ZNF384: variants seen among roughly 807,000 people sequenced by gnomAD.
ZNF384 encodes zinc finger protein 384, also known as CAG repeat protein 1.
In ZNF384, 20 loss-of-function variants were observed where a neutral mutation model predicts 65.0. That is an observed-to-expected ratio of 0.31 (90% CI 0.22 to 0.45). ZNF384 has a LOEUF of 0.45. Ranked by LOEUF, ZNF384 falls within the 20% of genes least tolerant of loss-of-function variation. The pLI, the probability that ZNF384 is intolerant of heterozygous loss-of-function variation, is 1.00. For missense variants in ZNF384, 549 were observed against 769.4 expected, an observed-to-expected ratio of 0.71 and a Z score of 3.39; for synonymous variants, 310 against 303.9, an observed-to-expected ratio of 1.02 and a Z score of -0.21.
chr12:6,673,014 C>G lies in ZNF384; in HGVS notation c.1004+202G>C. 1.7e-6 allele frequency: 1 copy of G among 589,878 alleles called. No individual in the cohort carries two copies. The highest frequency in any genetic ancestry group is 3.0e-6 in the Non-Finnish European group (1 of 332,818). The allele number at this position is 589,878 out of a possible 1,614,324, so 36.5% of individuals were successfully genotyped here. ...GAGAAACCACAAAAATTGTTCCAGACTTTGGAATTGGAGACCACAATTTTC... is the reference window on the plus strand; with the variant it reads ...GAGAAACCACAAAAATTGTTCCAGAGTTTGGAATTGGAGACCACAATTTTC... On this transcript the variant is annotated intron_variant, in intron 8 of 11. Coordinates refer to ENST00000683879, the MANE Select transcript of ZNF384 (RefSeq NM_001385745.1). This position sits in a 1 kb window ranked among gnomAD's most constrained non-coding sequence, Gnocchi z 4.7.
In ZNF384 at chr12:6,669,053, A is replaced by T. The variant is rs377620666; in HGVS notation, c.1403T>A (p.Ile468Asn). 1.2e-6 allele frequency: 2 copies of T among 1,610,424 alleles called. No homozygotes were observed. Among genetic ancestry groups the T allele is most frequent in the East Asian group, 4.5e-5 (2 of 44,714 alleles). Residue 468 changes from isoleucine to asparagine, a missense_variant, in exon 11 of 12, where the codon ATC becomes AAC. Physicochemically the swap from Ile to Asn is moderately radical, Grantham distance 149 (BLOSUM62 -3). This residue lies in a region of ZNF384 where 136 missense variants were observed against 183.0 expected (regional missense o/e 0.74). Coordinates refer to ENST00000683879, the MANE Select transcript of ZNF384 (RefSeq NM_001385745.1). The part of the protein sequence containing the change: ...VKHAKVYTCT[I>N]CSRAYTSETY... ...CACTGATGTGTATGCCCGACTGCAG[A>T]TAGTGCAGGTGTACACCTTGGCATG...
At chr12:6,677,833 T>C (rs959485777) in intron 6 of ZNF384, among the ~76,000 whole-genome samples, 2 of 152,138 alleles carry the variant, frequency 1.3e-5, no homozygotes, top group Admixed American at 1.3e-4. Context: ...AAACCCAGCA[T>C]AAAGCCTTAT....
intron 10 of ZNF384, among the ~76,000 whole-genome samples, chr12:6,670,433 A>G (rs1361332391): frequency 6.6e-6 from 1 of 152,140 alleles, no homozygotes; most frequent in Non-Finnish European, 1.5e-5. Flanking sequence ...TCCCAAAAAT[A>G]AAAAATAGAC....
At chr12:6,685,903 G>A (rs1787582954) in intron 2 of ZNF384, among the ~76,000 whole-genome samples, 1 of 151,916 alleles carries the variant, frequency 6.6e-6, no homozygotes. Context: ...AAGCCCTCAG[G>A]AGATAAAGAA....
At chr12:6,676,505 T>G (rs1046481052) in intron 7 of ZNF384, among the ~76,000 whole-genome samples, 3 of 152,214 alleles carry the variant, frequency 2.0e-5, no homozygotes, top group Non-Finnish European at 4.4e-5. Context: ...TTTCTTTTAA[T>G]ATATACAGTT....
Position 6,689,173 on chromosome 12 carries a change from G to C in ZNF384, c.-141C>G. The C allele has an allele frequency of 6.5e-6, 1 of 153,060 alleles. No individual in the cohort carries two copies. The highest frequency in any genetic ancestry group is 2.0e-4 in the South Asian group (1 of 4,888). The allele number at this position is 153,060 out of a possible 1,614,324, so 9.5% of individuals were successfully genotyped here. ...GGGCGGCGTTTGCTGGGAAAGGAGG[G>C]AGCCGAGGAGGGTGGGAGGACCAGG... is the stretch of plus-strand genomic sequence containing the variant. On this transcript the variant is annotated 5_prime_UTR_variant, in exon 1 of 12. Transcript: ENST00000683879.
chr12:6,685,627 G>C (rs1957621613), intron 2 of ZNF384, among the ~76,000 whole-genome samples: 1 of 151,982 alleles, frequency 6.6e-6, no homozygotes, highest in South Asian at 2.1e-4. Flanking sequence ...CAAAAAATTA[G>C]CTGGGCATGG....
intron 1 of ZNF384, 197 bp from the exon 2 acceptor site, chr12:6,688,423 A>G (rs1958742841): frequency 6.6e-6 from 1 of 152,278 alleles, no homozygotes; most frequent in Admixed American, 6.5e-5. Context: ...AATAAATCCA[A>G]TTCCCAGAAA....
At chr12:6,677,835 AAGCCTTAT>A (rs1005442151) in intron 6 of ZNF384, among the ~76,000 whole-genome samples, 2 of 152,202 alleles carry the variant, frequency 1.3e-5, no homozygotes, top group African/African-American at 4.8e-5. Context: ...ACCCAGCATA[AAGCCTTAT>A]TACAAGAGAG....
chr12:6,673,413 G>A lies in ZNF384; in HGVS notation c.807C>T (p.Tyr269=), dbSNP rs763222487. The change falls in exon 8 of 12, where the codon TAC becomes TAT. Residue 269 remains tyrosine (Y), a synonymous_variant. Transcript: ENST00000683879. This position sits in a 1 kb window ranked among gnomAD's most constrained non-coding sequence, Gnocchi z 4.7. ...PGCRMCSLTF[Y]SKSEMQIHSK... ...AGTGGATCTGCATCTCCGACTTGGA[G>A]TAGAATGTCAGTGAGCACATCCGGC... The A allele has an allele frequency of 1.2e-6, 2 of 1,614,090 alleles. No individual in the cohort carries two copies. The highest frequency in any genetic ancestry group is 1.6e-4 in the Middle Eastern group (1 of 6,062).
Position 6,679,196 on chromosome 12 carries a change from G to A in ZNF384, c.67-13C>T. On this transcript the variant is annotated splice_polypyrimidine_tract_variant and intron_variant, in intron 3 of 11. Transcript: ENST00000683879. ...TTGTGTTCTCGATCTAAGAGAAAAG[G>A]AAGGGGACGGGAGCACCCTCTTCAG... The A allele has an allele frequency of 6.4e-7, 1 of 1,558,472 alleles. No individual in the cohort carries two copies. Among genetic ancestry groups the A allele is most frequent in the Middle Eastern group, 1.8e-4 (1 of 5,710 alleles).
chr12:6,680,155 C>T lies in ZNF384; in HGVS notation c.-5-630G>A, dbSNP rs989546933. ...TTCTTTTTTCTTTAAAGTAGAGACA[C>T]GGTTTTTCCATGTTGCCCAGGCTGG... is the stretch of plus-strand genomic sequence containing the variant. On this transcript the variant is annotated intron_variant, in intron 2 of 11. Coordinates refer to ENST00000683879, the MANE Select transcript of ZNF384 (RefSeq NM_001385745.1). Among the ~76,000 whole-genome samples the T allele has an allele frequency of 5.3e-5, 8 of 152,074 alleles. No homozygotes were observed. In the South Asian group the frequency reaches 8.3e-4, roughly 16 times the overall value.
Position 6,672,197 on chromosome 12 carries a change from G to C in ZNF384, c.1187+153C>G. 1.3e-6 allele frequency: 1 copy of C among 767,708 alleles called. No homozygotes were observed. The highest frequency in any genetic ancestry group is 3.8e-4 in the Middle Eastern group (1 of 2,606). 47.6% of individuals were successfully genotyped at this position (767,708 alleles called of 1,614,324 possible). ...TGTGTCCACTTGAATCTCCAGTGTT[G>C]TTTGGTCTTCCTTCTCCCAGATGCC... On this transcript the variant is annotated intron_variant, in intron 9 of 11. Transcript: ENST00000683879. The surrounding 1 kb of genome is among the most constrained non-coding windows in gnomAD (Gnocchi z 4.4).
chr12:6,678,738 C>T lies in ZNF384; in HGVS notation c.305-28G>A, dbSNP rs745683432. 5.0e-6 allele frequency: 8 copies of T among 1,613,300 alleles called. No homozygotes were observed. Among genetic ancestry groups the T allele is most frequent in the African/African-American group, 2.7e-5 (2 of 74,870 alleles). On this transcript the variant is annotated intron_variant, in intron 4 of 11. Transcript: ENST00000683879. This position sits in a 1 kb window ranked among gnomAD's most constrained non-coding sequence, Gnocchi z 4.9. The stretch of plus-strand genomic sequence containing the variant: ...TGATTCAGAGAAGGAAAGAATGTCA[C>T]CTCCTCAAAGGCAGGGACCGCATCT...
Position 6,672,484 on chromosome 12 carries a change from C to A in ZNF384, c.1053G>T (p.Pro351=), listed in dbSNP as rs368115772. The A allele has an allele frequency of 3.1e-6, 5 of 1,613,636 alleles. No individual in the cohort carries two copies. The African/African-American group carries it at 4.0e-5, about 13-fold the overall frequency. ...TGTTGGCGAAGGTCTTGGAGCAGTG[C>A]GGGCACTTGTGGGGCTTGATGGTCT... is the stretch of plus-strand genomic sequence containing the variant. ...HTETIKPHKC[P]HCSKTFANTS... is the part of the protein sequence containing the mutation. Residue 351 remains proline (P), a synonymous_variant, in exon 9 of 12, where the codon CCG becomes CCT. Transcript: ENST00000683879. This position sits in a 1 kb window ranked among gnomAD's most constrained non-coding sequence, Gnocchi z 4.4.
rs755344382 is a variant in ZNF384 at position 6,666,874 on chromosome 12, T to C, written c.*840A>G. Reference sequence around the variant, plus strand: ...CATCTGACTGTGGCACCTAGGGAGCTAAGTCCAGTCCTTGCGTTTGCCTTG... The same window carrying C: ...CATCTGACTGTGGCACCTAGGGAGCCAAGTCCAGTCCTTGCGTTTGCCTTG... On this transcript the variant is annotated 3_prime_UTR_variant, in exon 12 of 12. Coordinates refer to ENST00000683879, the MANE Select transcript of ZNF384 (RefSeq NM_001385745.1). 3.2e-5 allele frequency: 6 copies of C among 186,798 alleles called. No individual in the cohort carries two copies. The highest frequency in any genetic ancestry group is 6.8e-5 in the Non-Finnish European group (6 of 88,466). 11.6% of individuals were successfully genotyped at this position (186,798 alleles called of 1,614,324 possible).
Position 6,667,084 on chromosome 12 carries a change from T to G in ZNF384, c.*630A>C. 1 of 232,816 alleles carries G rather than the reference T, an allele frequency of 4.3e-6. No individual in the cohort carries two copies. Among genetic ancestry groups the G allele is most frequent in the Non-Finnish European group, 8.5e-6 (1 of 117,038 alleles). The allele number at this position is 232,816 out of a possible 1,614,324, so 14.4% of individuals were successfully genotyped here. A position where few individuals can be genotyped will look rare whatever the true frequency, so the allele number is the denominator to read the frequency against. On this transcript the variant is annotated 3_prime_UTR_variant, in exon 12 of 12. Coordinates refer to ENST00000683879, the MANE Select transcript of ZNF384 (RefSeq NM_001385745.1). ...ACTTCTAAGCCACCTGTGACCAACT[T>G]GGGAATTTCTGGCCCCTTGGGGACC... is the stretch of plus-strand genomic sequence containing the variant.
In ZNF384 at chr12:6,667,945, CTGT is replaced by C. The variant is rs770453420; in HGVS notation, c.1593_1595del (p.Gln547del). On this transcript the variant is annotated inframe_deletion, in exon 12 of 12. Coordinates refer to ENST00000683879, the MANE Select transcript of ZNF384 (RefSeq NM_001385745.1). ...GCTGCTGCTGCTGCTGCTGCTGCTG[CTGT>C]GATGCCTGGGAGGCCTGGGCCTGGG... 1.0e-5 allele frequency: 13 copies of C among 1,252,522 alleles called. No homozygotes were observed. Among genetic ancestry groups the C allele is most frequent in the South Asian group, 5.0e-5 (4 of 79,362 alleles). The allele number at this position is 1,252,522 out of a possible 1,614,324, so 77.6% of individuals were successfully genotyped here. A position where few individuals can be genotyped will look rare whatever the true frequency, so the allele number is the denominator to read the frequency against.
chr12:6,668,771 T>C (rs974112174), intron 11 of ZNF384, among the ~76,000 whole-genome samples: 1 of 151,424 alleles, frequency 6.6e-6, no homozygotes, highest in Non-Finnish European at 1.5e-5. Context: ...CCCCTCAAAA[T>C]TTCAAGTGGC....
Sources: gnomAD v4.1 joint callset for allele counts (sites outside exome capture counted in the v4.1 genomes callset) on GRCh38, gnomAD v4.1.1 for gene constraint, gnomAD v4.1.1 regional missense constraint, Gnocchi (gnomAD v3.1) non-coding constraint, MANE v1.5 for transcripts, NCBI Gene and HGNC (gene_info 2026-07-23, HGNC 2026-07-21) for gene names.